The following JAKMIP3 variants were observed in gnomAD, a reference collection of about 807,000 sequenced individuals.
The protein encoded by JAKMIP3 is Janus kinase and microtubule interacting protein 3.
In JAKMIP3, 58 loss-of-function variants were observed where a neutral mutation model predicts 118.5. The observed-to-expected ratio is 0.49, with a 90% CI of 0.40 to 0.61. The LOEUF is 0.61. JAKMIP3 is among the 20% of genes least tolerant of loss of function. The pLI is 0.00. For missense variants in JAKMIP3, 950 were observed against 1,109.0 expected, an observed-to-expected ratio of 0.86 and a Z score of 2.04; for synonymous variants, 486 against 451.2, an observed-to-expected ratio of 1.08 and a Z score of -0.98.
chr10:132,050,038 A>C (rs2038053525), intron 1 of JAKMIP3, among the ~76,000 whole-genome samples: 1 of 151,968 alleles, frequency 6.6e-6, no homozygotes, highest in South Asian at 2.1e-4. Context: ...TCAGGACCTT[A>C]TCTCTTTCTC....
chr10:132,166,508 C>T (rs1297383501), intron 21 of JAKMIP3, among the ~76,000 whole-genome samples: 4 of 152,216 alleles, frequency 2.6e-5, no homozygotes, highest in Admixed American at 6.5e-5. Context: ...TTGCTGCTTA[C>T]GGTGGGACTG....
chr10:132,048,479 A>G (rs1157647489), intron 1 of JAKMIP3, among the ~76,000 whole-genome samples: 1 of 152,212 alleles, frequency 6.6e-6, no homozygotes, highest in African/African-American at 2.4e-5. Flanking sequence ...TCCATGGGCT[A>G]AAATCCGGTA....
chr10:132,070,810 AG>A (rs778883462), intron 1 of JAKMIP3, among the ~76,000 whole-genome samples: 2 of 152,220 alleles, frequency 1.3e-5, no homozygotes, highest in African/African-American at 2.4e-5. Context: ...GAGCAAACTC[AG>A]GAAGAGAGGA....
In JAKMIP3 at chr10:132,117,014, T is replaced by A. The variant is rs1160935736; in HGVS notation, c.136-63T>A. 6.5e-7 allele frequency: 1 copy of A among 1,532,306 alleles called. No individual in the cohort carries two copies. The highest frequency in any genetic ancestry group is 1.4e-5 in the African/African-American group (1 of 72,682). The allele number at this position is 1,532,306 out of a possible 1,614,324, so 94.9% of individuals were successfully genotyped here. A position where few individuals can be genotyped will look rare whatever the true frequency, so the allele number is the denominator to read the frequency against. On this transcript the variant is annotated intron_variant, in intron 2 of 23. Transcript: ENST00000684848. The surrounding 1 kb of genome is among the most constrained non-coding windows in gnomAD (Gnocchi z 8.6). ...CGTGGAAGCTCCCCCAAATGCACAT[T>A]CAGGTGTGAGTGTGTGCATGGCTGG... is the stretch of plus-strand genomic sequence containing the variant.
upstream of JAKMIP3, among the ~76,000 whole-genome samples, chr10:132,061,983 C>G (rs2038411055): frequency 6.6e-6 from 1 of 152,132 alleles, no homozygotes; most frequent in Non-Finnish European, 1.5e-5. Context: ...ACACCGGACT[C>G]CTATCCAGAT....
intron 1 of JAKMIP3, among the ~76,000 whole-genome samples, chr10:132,054,625 A>G (rs977292553): frequency 1.6e-4 from 24 of 152,360 alleles, no homozygotes; most frequent in African/African-American, 5.1e-4. Flanking sequence ...AGAGTCAGAC[A>G]GAGGCAGGAT....
At chr10:132,135,905 A>G in intron 5 of JAKMIP3, 25 bp from the exon 6 acceptor site, 2 of 1,601,756 alleles carry the variant, frequency 1.2e-6, no homozygotes, top group Admixed American at 1.7e-5. Context: ...CTTAAAGAAC[A>G]ATCACATAGT....
Position 132,166,876 on chromosome 10 carries a change from A to G in JAKMIP3, c.2491-107A>G, listed in dbSNP as rs2637652. On this transcript the variant is annotated intron_variant, in intron 21 of 23. Transcript: ENST00000684848. ...ATAGCGTCCTCTCCTCCCTGCCAAC[A>G]GCTCTGTCTTCAGTCTGTAATCGCG... The G allele has an allele frequency of 1.9e-3, 1,532 of 789,522 alleles. 2 individuals are homozygous for G. Among genetic ancestry groups the G allele is most frequent in the Non-Finnish European group, 2.9e-3 (1,372 of 477,742 alleles). The allele number at this position is 789,522 out of a possible 1,614,324, so 48.9% of individuals were successfully genotyped here. A position where few individuals can be genotyped will look rare whatever the true frequency, so the allele number is the denominator to read the frequency against.
intron 19 of JAKMIP3, 73 bp from the exon 20 acceptor site, chr10:132,163,136 C>T (rs1564988347): frequency 2.8e-6 from 4 of 1,407,742 alleles, no homozygotes; most frequent in Non-Finnish European, 9.6e-7. Context: ...GGTGGCCCGG[C>T]CTCCGTTGCC....
chr10:132,136,190 G>T, intron 6 of JAKMIP3, 114 bp downstream of exon 6: 1 of 1,117,176 alleles, frequency 9.0e-7, no homozygotes, highest in Non-Finnish European at 1.3e-6. Flanking sequence ...GGGTGGCCAG[G>T]CCTTCTGCTG....
chr10:132,127,144 TGTTAA>T (rs1381598936), intron 3 of JAKMIP3, among the ~76,000 whole-genome samples: 1 of 152,134 alleles, frequency 6.6e-6, no homozygotes, highest in East Asian at 1.9e-4. Flanking sequence ...TTTATTTTTA[TGTTAA>T]GTTTGGTAAA....
intron 3 of JAKMIP3, among the ~76,000 whole-genome samples, chr10:132,126,727 A>T (rs2049616450): frequency 6.7e-6 from 1 of 150,006 alleles, no homozygotes; most frequent in Non-Finnish European, 1.5e-5. Flanking sequence ...AATGCTTTTT[A>T]TGCATAAATC....
chr10:132,123,833 G>C lies in JAKMIP3; in HGVS notation c.633+6259G>C, dbSNP rs539083795. Among the ~76,000 whole-genome samples, 3 of 152,316 alleles carry C rather than the reference G, an allele frequency of 2.0e-5. No homozygotes were observed. In the East Asian group the frequency reaches 5.8e-4, roughly 29 times the overall value. ...TGCAGCATCGGCTTCTGGGGCCAAA[G>C]CCTCACCGTACAGGTGCTTGCCTTG... On this transcript the variant is annotated intron_variant, in intron 3 of 23. Coordinates refer to ENST00000684848, the MANE Select transcript of JAKMIP3 (RefSeq NM_001323087.2).
At chr10:132,043,702 A>T (rs2037826717) in intron 1 of JAKMIP3, among the ~76,000 whole-genome samples, 1 of 152,200 alleles carries the variant, frequency 6.6e-6, no homozygotes, top group Admixed American at 6.5e-5. Flanking sequence ...ACCTGGACAC[A>T]GCATGACGAG....
chr10:132,135,242 T>TCCA (rs2051507089), intron 5 of JAKMIP3, 82 bp downstream of exon 5: 1 of 1,416,896 alleles, frequency 7.1e-7, no homozygotes, highest in African/African-American at 1.4e-5. Flanking sequence ...CTTTCAAAAT[T>TCCA]CCTTGCGTAA....
chr10:132,112,022 G>T lies in JAKMIP3; in HGVS notation c.136-5055G>T, dbSNP rs983536773. ...ACACGGGGGAGAGGAGCCAGGAGGT[G>T]TTGGCAGGCGGGGGTAGAGCGTGCG... On this transcript the variant is annotated intron_variant, in intron 2 of 23. Coordinates refer to ENST00000684848, the MANE Select transcript of JAKMIP3 (RefSeq NM_001323087.2). This position sits in a 1 kb window ranked among gnomAD's most constrained non-coding sequence, Gnocchi z 4.3. 5.9e-5 allele frequency among the ~76,000 whole-genome samples: 9 copies of T among 152,060 alleles called. No individual in the cohort carries two copies. The highest frequency in any genetic ancestry group is 2.2e-4 in the African/African-American group (9 of 41,408).
At chr10:132,059,804 T>A (rs4880231), upstream of JAKMIP3, among the ~76,000 whole-genome samples, 9 of 152,174 alleles carry the variant, frequency 5.9e-5, no homozygotes, top group Admixed American at 4.6e-4. Flanking sequence ...CTTGCTAATT[T>A]GCAGGTGTTC....
intron 2 of JAKMIP3, among the ~76,000 whole-genome samples, chr10:132,116,243 C>CACTGT (rs2047627753): frequency 6.6e-6 from 1 of 152,216 alleles, no homozygotes; most frequent in South Asian, 2.1e-4. Flanking sequence ...GGTGGGTGAC[C>CACTGT]TCAGGTTTGC....
At position 132,117,633 on chromosome 10, in the gene JAKMIP3, GT is replaced by G; in HGVS notation, c.633+60del. On this transcript the variant is annotated intron_variant, in intron 3 of 23. Transcript: ENST00000684848. This position sits in a 1 kb window ranked among gnomAD's most constrained non-coding sequence, Gnocchi z 8.6. ...GGTGCAGGGGCGGGCGTGGGCGAGG[GT>G]GCAGGGGCGGGCGTGGGCGAGGGTG... 1 of 1,027,402 alleles carries G rather than the reference GT, an allele frequency of 9.7e-7. No individual in the cohort carries two copies. The highest frequency in any genetic ancestry group is 1.6e-5 in the African/African-American group (1 of 64,012). The allele number at this position is 1,027,402 out of a possible 1,614,324, so 63.6% of individuals were successfully genotyped here. A position where few individuals can be genotyped will look rare whatever the true frequency, so the allele number is the denominator to read the frequency against.
Sources: allele counts gnomAD v4.1 joint callset (sites outside exome capture counted in the v4.1 genomes callset), GRCh38; gene constraint gnomAD v4.1.1; non-coding constraint Gnocchi (gnomAD v3.1); transcripts MANE v1.5; gene names NCBI Gene and HGNC (gene_info 2026-07-23, HGNC 2026-07-21).